MEAF6: variants seen among roughly 807,000 people sequenced by gnomAD.
The protein encoded by MEAF6 is MYST/Esa1 associated factor 6.
Under a neutral mutation model 28.9 loss-of-function variants are expected in MEAF6, and 15 were observed. The observed-to-expected ratio is 0.52, with a 90% CI of 0.35 to 0.80. MEAF6 has a LOEUF of 0.80. Ranked by LOEUF, MEAF6 falls within the 30% of genes least tolerant of loss-of-function variation. The pLI, the probability that MEAF6 is intolerant of heterozygous loss-of-function variation, is 0.01. For missense variants in MEAF6, 178 were observed against 237.5 expected (o/e 0.75, Z 1.65); for synonymous variants, 97 against 88.7 (o/e 1.09, Z -0.53).
rs2148057342 is a variant in MEAF6 at position 37,493,462 on chromosome 1, CTT to C, written c.*635_*636del. The C allele has an allele frequency of 5.0e-6, 2 of 403,374 alleles. No homozygotes were observed. Among genetic ancestry groups the C allele is most frequent in the South Asian group, 1.0e-4 (2 of 19,568 alleles). The allele number at this position is 403,374 out of a possible 1,614,324, so 25.0% of individuals were successfully genotyped here. On this transcript the variant is annotated 3_prime_UTR_variant, in exon 7 of 7. Coordinates refer to ENST00000296214, the MANE Select transcript of MEAF6 (RefSeq NM_001270875.3). ...TTAAGATAGGTAATTACTAAACACT[CTT>C]TACCTCCCCTTGCAAAAAACAGAGG...
chr1:37,496,550 C>T, intron 5 of MEAF6: 1 of 1,406,142 alleles, frequency 7.1e-7, no homozygotes. Context: ...ATGTTACCTC[C>T]ATCACGTTTT....
At position 37,491,155 on chromosome 1, in the gene MEAF6, G is replaced by A. The variant is rs1384829886; in HGVS notation, c.*2944C>T. Among the ~76,000 whole-genome samples the A allele has an allele frequency of 1.3e-5, 2 of 152,214 alleles. No homozygotes were observed. The highest frequency in any genetic ancestry group is 1.3e-4 in the Admixed American group (2 of 15,276). ...TTAGGCTCTTTAACTTTCAAGCTTA[G>A]ACTATTTATCGCTCATTTTAATTAT... On this transcript the variant is annotated 3_prime_UTR_variant, in exon 7 of 7. Coordinates refer to ENST00000296214, the MANE Select transcript of MEAF6 (RefSeq NM_001270875.3).
intron 2 of MEAF6, among the ~76,000 whole-genome samples, chr1:37,509,912 G>A (rs909066549): frequency 1.3e-5 from 2 of 152,020 alleles, no homozygotes; most frequent in Non-Finnish European, 2.9e-5. Flanking sequence ...AAGTAGCCAG[G>A]ATTACAGGTG....
At chr1:37,495,707 A>AAAAAAAAAAAAAAAAAAAAAAAC (rs1642107037) in intron 6 of MEAF6, among the ~76,000 whole-genome samples, 178 bp downstream of exon 6, 1 of 98,544 alleles carries the variant, frequency 1.0e-5, no homozygotes, top group Non-Finnish European at 2.3e-5. Flanking sequence ...CAAAAAACAA[A>AAAAAAAAAAAAAAAAAAAAAAAC]AAAAAAAAAA....
At chr1:37,511,123 C>T (rs756281752) in intron 2 of MEAF6, among the ~76,000 whole-genome samples, 2 of 152,130 alleles carry the variant, frequency 1.3e-5, no homozygotes, top group Non-Finnish European at 2.9e-5. Flanking sequence ...AAGAAAGAAC[C>T]AGGGTTCCTT....
At chr1:37,506,960 T>G (rs189156531) in intron 4 of MEAF6, among the ~76,000 whole-genome samples, 2 of 152,310 alleles carry the variant, frequency 1.3e-5, no homozygotes, top group East Asian at 3.9e-4. Context: ...TTCTTGCAGG[T>G]AGACAGGTAA....
In MEAF6 at chr1:37,495,684, C is replaced by CAAAAAAA. The variant is rs376230589; in HGVS notation, c.567+194_567+200dup. Among the ~76,000 whole-genome samples the CAAAAAAA allele has an allele frequency of 1.7e-4, 12 of 70,500 alleles. No individual in the cohort carries two copies. In the South Asian group the frequency reaches 2.6e-3, roughly 15 times the overall value. The allele number at this position is 70,500 out of a possible 152,430, so 46.3% of individuals were successfully genotyped here. A position where few individuals can be genotyped will look rare whatever the true frequency, so the allele number is the denominator to read the frequency against. ...GGTGAAAGAGCAAGAAACTGTCTCTCAAAAAAAAAAAACAAAAAACAAAAA... is the reference window on the plus strand; with the variant it reads ...GGTGAAAGAGCAAGAAACTGTCTCTCAAAAAAAAAAAAAAAAAAACAAAAAACAAAAA... On this transcript the variant is annotated intron_variant, in intron 6 of 6. Coordinates refer to ENST00000296214, the MANE Select transcript of MEAF6 (RefSeq NM_001270875.3).
intron 5 of MEAF6, among the ~76,000 whole-genome samples, chr1:37,499,491 C>T (rs1246075767): frequency 6.6e-6 from 1 of 152,130 alleles, no homozygotes; most frequent in African/African-American, 2.4e-5. Context: ...GGCAGGAGTC[C>T]AAGAGCCTTA....
intron 4 of MEAF6, among the ~76,000 whole-genome samples, chr1:37,506,863 A>G (rs1164247784): frequency 6.6e-6 from 1 of 152,146 alleles, no homozygotes; most frequent in Non-Finnish European, 1.5e-5. Flanking sequence ...TCAGCCAAAA[A>G]TCTTTAATAC....
At chr1:37,494,244 A>T in intron 6 of MEAF6, 137 bp from the exon 7 acceptor site, 1 of 754,000 alleles carries the variant, frequency 1.3e-6, no homozygotes, top group Non-Finnish European at 2.2e-6. Context: ...GGCCAGGCAC[A>T]GTGGCTCACA....
At chr1:37,500,801 C>T (rs1294430223) in intron 5 of MEAF6, 1 of 152,412 alleles carries the variant, frequency 6.6e-6, no homozygotes, top group East Asian at 1.9e-4. Context: ...TAAACCAAAT[C>T]CAGAAGCAAA....
At chr1:37,505,621 C>A (rs1410286215) in intron 4 of MEAF6, among the ~76,000 whole-genome samples, 3 of 152,104 alleles carry the variant, frequency 2.0e-5, no homozygotes, top group African/African-American at 4.8e-5. Flanking sequence ...AGCTATTATA[C>A]AAAAAGTATA....
chr1:37,513,419 T>A lies in MEAF6; in HGVS notation c.206+4A>T. 6.2e-7 allele frequency: 1 copy of A among 1,610,440 alleles called. No homozygotes were observed. Among genetic ancestry groups the A allele is most frequent in the Non-Finnish European group, 8.5e-7 (1 of 1,176,708 alleles). On this transcript the variant is annotated splice_donor_region_variant and intron_variant, in intron 2 of 6. Coordinates refer to ENST00000296214, the MANE Select transcript of MEAF6 (RefSeq NM_001270875.3). Reference sequence around the variant, plus strand: ...TAGGAACACTACAGGCTTTCGACACTCACTTTTGGTTGGTCAGATACCGAT... The same window carrying A: ...TAGGAACACTACAGGCTTTCGACACACACTTTTGGTTGGTCAGATACCGAT...
rs763272914 is a variant in MEAF6, at chr1:37,493,845, T to G, written c.*254A>C. 4.5e-5 allele frequency: 70 copies of G among 1,550,768 alleles called. No individual in the cohort carries two copies. The highest frequency in any genetic ancestry group is 1.0e-4 in the Admixed American group (5 of 49,860). ...AAGGGAGAAACGCACAGTTAGCAAC[T>G]TGCTGGGATTACAACATTGTCTTCA... On this transcript the variant is annotated 3_prime_UTR_variant, in exon 7 of 7. Coordinates refer to ENST00000296214, the MANE Select transcript of MEAF6 (RefSeq NM_001270875.3).
At chr1:37,502,864 C>G (rs1642360257) in intron 4 of MEAF6, among the ~76,000 whole-genome samples, 1 of 152,180 alleles carries the variant, frequency 6.6e-6, no homozygotes, top group Admixed American at 6.5e-5. Context: ...AAGAGATCCA[C>G]CTGCCTCAGC....
chr1:37,496,728 C>A, intron 5 of MEAF6: 1 of 1,601,100 alleles, frequency 6.2e-7, no homozygotes, highest in Non-Finnish European at 8.5e-7. Context: ...ATCAAACATG[C>A]CAGACGGGCT....
At chr1:37,497,863 A>T (rs1441205819) in intron 5 of MEAF6, among the ~76,000 whole-genome samples, 4 of 152,020 alleles carry the variant, frequency 2.6e-5, no homozygotes, top group Non-Finnish European at 5.9e-5. Flanking sequence ...AAGTGCTGGG[A>T]TTACAGGCAT....
At chr1:37,498,359 A>C (rs1260320437) in intron 5 of MEAF6, among the ~76,000 whole-genome samples, 1 of 151,752 alleles carries the variant, frequency 6.6e-6, no homozygotes, top group Non-Finnish European at 1.5e-5. Flanking sequence ...CAGACTATCT[A>C]AAGTAATTTT....
At chr1:37,503,682 G>T (rs1328672178) in intron 4 of MEAF6, among the ~76,000 whole-genome samples, 1 of 128,676 alleles carries the variant, frequency 7.8e-6, no homozygotes, top group Non-Finnish European at 1.7e-5. Flanking sequence ...AAAAAAAAAA[G>T]GCTGCACACA....
Sources: allele counts gnomAD v4.1 joint callset (sites outside exome capture counted in the v4.1 genomes callset), GRCh38; gene constraint gnomAD v4.1.1; transcripts MANE v1.5; gene names NCBI Gene and HGNC (gene_info 2026-07-23, HGNC 2026-07-21).